The following TTC12 variants were observed in gnomAD, a reference collection of about 807,000 sequenced individuals.
TTC12 encodes tetratricopeptide repeat domain 12, also known as tetratricopeptide repeat protein 12.
Under a neutral mutation model 90.1 loss-of-function variants are expected in TTC12, and 70 were observed. The ratio of observed to expected loss-of-function variants is 0.78; its 90% CI spans 0.64 to 0.95. The LOEUF is 0.95. Ranked by LOEUF, TTC12 falls within the 40% of genes least tolerant of loss-of-function variation. The pLI, the probability that TTC12 is intolerant of heterozygous loss-of-function variation, is 0.00. For synonymous variants in TTC12, 296 were observed against 311.5 expected, an observed-to-expected ratio of 0.95 and a Z score of 0.53; for missense variants, 819 against 846.1, an observed-to-expected ratio of 0.97 and a Z score of 0.40.
chr11:113,338,958 C>T (rs1948532426), intron 9 of TTC12, 124 bp downstream of exon 9: 4 of 820,276 alleles, frequency 4.9e-6, no homozygotes, highest in Non-Finnish European at 2.0e-6. Context: ...CTTTCCTGCA[C>T]AGTTGGGTCC....
chr11:113,339,662 A>G lies in TTC12; in HGVS notation c.826+188A>G, dbSNP rs868976310. ...CCGACTTCTGCTCCATCCTCTCTACAGAGCATGCGTACACTCAGCACACAT... is the reference window on the plus strand; with the variant it reads ...CCGACTTCTGCTCCATCCTCTCTACGGAGCATGCGTACACTCAGCACACAT... On this transcript the variant is annotated intron_variant, in intron 10 of 21. Coordinates refer to ENST00000529221, the MANE Select transcript of TTC12 (RefSeq NM_017868.4). The G allele has an allele frequency of 3.6e-6, 2 of 557,718 alleles. 1 individual carries two copies. Among genetic ancestry groups the G allele is most frequent in the Middle Eastern group, 9.5e-4 (2 of 2,112 alleles). 34.5% of individuals were successfully genotyped at this position (557,718 alleles called of 1,614,324 possible). A position where few individuals can be genotyped will look rare whatever the true frequency, so the allele number is the denominator to read the frequency against.
chr11:113,342,007 A>C, intron 12 of TTC12, 82 bp downstream of exon 12: 1 of 1,224,322 alleles, frequency 8.2e-7, no homozygotes, highest in East Asian at 2.3e-5. Context: ...TCCTCCCCAA[A>C]GGCCAGGCCC....
At chr11:113,343,736 C>G (rs1365626580) in intron 12 of TTC12, among the ~76,000 whole-genome samples, 1 of 152,292 alleles carries the variant, frequency 6.6e-6, no homozygotes, top group South Asian at 2.1e-4. Context: ...ACTGCCACCA[C>G]CCTGGAAGAG....
intron 1 of TTC12, 122 bp from the exon 2 acceptor site, chr11:113,316,121 G>C: frequency 2.3e-6 from 1 of 433,238 alleles, no homozygotes; most frequent in Non-Finnish European, 4.1e-6. Flanking sequence ...GTTATTCATT[G>C]ACATAAACAA....
At chr11:113,321,701 A>G (rs1947347761) in intron 2 of TTC12, among the ~76,000 whole-genome samples, 1 of 152,192 alleles carries the variant, frequency 6.6e-6, no homozygotes, top group African/African-American at 2.4e-5. Flanking sequence ...GCTTTGGCCA[A>G]AAGGATGTTT....
At chr11:113,332,083 T>C (rs1948100111) in intron 7 of TTC12, among the ~76,000 whole-genome samples, 1 of 152,236 alleles carries the variant, frequency 6.6e-6, no homozygotes, top group South Asian at 2.1e-4. Context: ...GACAAGCTTA[T>C]GTGATGATAT....
chr11:113,334,859 C>A, intron 7 of TTC12, 107 bp from the exon 8 acceptor site: 1 of 847,438 alleles, frequency 1.2e-6, no homozygotes, highest in Admixed American at 2.3e-5. Flanking sequence ...TGGTAGTTGC[C>A]CTGAGAATCA....
chr11:113,355,553 T>C (rs1555152161), intron 16 of TTC12, among the ~76,000 whole-genome samples: 2 of 152,238 alleles, frequency 1.3e-5, no homozygotes, highest in East Asian at 3.9e-4. Context: ...GGTAGGTTGT[T>C]AACATGAGAT....
At position 113,321,479 on chromosome 11, in the gene TTC12, A is replaced by G. The variant is rs536186141; in HGVS notation, c.59-1809A>G. 2.6e-5 allele frequency among the ~76,000 whole-genome samples: 4 copies of G among 152,366 alleles called. No individual in the cohort carries two copies. The East Asian group carries it at 7.7e-4, about 29-fold the overall frequency. On this transcript the variant is annotated intron_variant, in intron 2 of 21. Transcript: ENST00000529221. ...TGGTTTAAATGAATCAACTGGAACC[A>G]TGTGTATCAAGAACACATCTCTAAA...
At chr11:113,344,031 A>G (rs942651913) in intron 12 of TTC12, among the ~76,000 whole-genome samples, 1 of 152,192 alleles carries the variant, frequency 6.6e-6, no homozygotes, top group African/African-American at 2.4e-5. Context: ...CCCTGTAGGT[A>G]GGAACGTAAT....
At chr11:113,362,594 A>G in intron 19 of TTC12, 92 bp downstream of exon 19, 1 of 870,702 alleles carries the variant, frequency 1.1e-6, no homozygotes, top group Admixed American at 2.1e-5. Flanking sequence ...TTGTTTGGTT[A>G]ATGTGCTGCC....
chr11:113,356,657 C>T (rs190003207), intron 16 of TTC12, among the ~76,000 whole-genome samples: 1 of 144,686 alleles, frequency 6.9e-6, no homozygotes, highest in East Asian at 1.9e-4. Flanking sequence ...ATTTCCTCAC[C>T]ATTTGCTTAT....
intron 2 of TTC12, among the ~76,000 whole-genome samples, chr11:113,321,394 A>G (rs1947328107): frequency 6.6e-6 from 1 of 152,204 alleles, no homozygotes; most frequent in East Asian, 1.9e-4. Flanking sequence ...TTTACTTTAG[A>G]AAAAACTGAA....
chr11:113,317,078 C>T (rs1946985263), intron 2 of TTC12, among the ~76,000 whole-genome samples: 1 of 152,222 alleles, frequency 6.6e-6, no homozygotes, highest in Admixed American at 6.5e-5. Flanking sequence ...ATGCTTATCC[C>T]TGAATGCTGT....
intron 16 of TTC12, 22 bp downstream of exon 16, chr11:113,352,229 A>G (rs782497546): frequency 2.7e-5 from 44 of 1,613,924 alleles, no homozygotes; most frequent in African/African-American, 4.0e-5. Flanking sequence ...TTTCTATTCA[A>G]AATTGGTCTT....
At chr11:113,359,552 G>A in intron 17 of TTC12, 91 bp downstream of exon 17, 1 of 884,992 alleles carries the variant, frequency 1.1e-6, no homozygotes, top group African/African-American at 1.6e-5. Context: ...CGAAGAGACA[G>A]AAGCATGTAC....
At chr11:113,322,484 C>G (rs7947310) in intron 2 of TTC12, among the ~76,000 whole-genome samples, 26,087 of 152,014 alleles carry the variant, frequency 0.17, 2,926 homozygotes, top group African/African-American at 0.31. Context: ...AGCAGGAAGT[C>G]GATGGCATCT....
chr11:113,329,659 C>T (rs895282448), intron 6 of TTC12: 2 of 562,996 alleles, frequency 3.6e-6, no homozygotes, highest in Non-Finnish European at 6.8e-6. Context: ...AATGGCTGTC[C>T]ACTGTTGCTA....
At chr11:113,324,230 A>G (rs1016860375) in intron 4 of TTC12, 5 of 554,802 alleles carry the variant, frequency 9.0e-6, no homozygotes, top group East Asian at 3.0e-5. Flanking sequence ...TGTAAACTCA[A>G]TTCAGTTATT....
Sources: allele counts gnomAD v4.1 joint callset (sites outside exome capture counted in the v4.1 genomes callset), GRCh38; gene constraint gnomAD v4.1.1; transcripts MANE v1.5; gene names NCBI Gene and HGNC (gene_info 2026-07-23, HGNC 2026-07-21).